Variants in USP5 observed in about 807,000 individuals in gnomAD.
USP5 encodes the protein ubiquitin carboxyl-terminal hydrolase 5.
In USP5, 24 loss-of-function variants were observed where a neutral mutation model predicts 102.5. That is an observed-to-expected ratio of 0.23 (90% CI 0.17 to 0.33). The LOEUF is 0.33. USP5 is among the 10% of genes least tolerant of loss of function. USP5 has a pLI of 1.00. For synonymous variants in USP5, 460 were observed against 434.8 expected (o/e 1.06, Z -0.72); for missense variants, 753 against 1,122.1 (o/e 0.67, Z 4.70).
Position 6,856,063 on chromosome 12 carries a change from C to A in USP5, c.351C>A (p.Asp117Glu), listed in dbSNP as rs139334200. 6.2e-7 allele frequency: 1 copy of A among 1,613,980 alleles called. No individual in the cohort carries two copies. The highest frequency in any genetic ancestry group is 2.2e-5 in the East Asian group (1 of 44,888). ...FDLSEEKFEL[D>E]EDVKIVILPD... ...TTAGCGAGGAGAAGTTTGAATTAGA[C>A]GAGGATGTGAAGATTGTCATTTTGC... Residue 117 changes from aspartate to glutamate, a missense_variant, in exon 4 of 20, where the codon GAC becomes GAA. Transcript: ENST00000229268. The surrounding 1 kb of genome is among the most constrained non-coding windows in gnomAD (Gnocchi z 5.6).
rs1393793525 is a variant in USP5 at position 6,862,581 on chromosome 12, G to A, written c.1762+23G>A. 1.1e-5 allele frequency: 18 copies of A among 1,604,452 alleles called. No homozygotes were observed. The East Asian group carries it at 3.8e-4, about 34-fold the overall frequency. On this transcript the variant is annotated intron_variant, in intron 14 of 19. Coordinates refer to ENST00000229268, the MANE Select transcript of USP5 (RefSeq NM_001098536.2). ...TGGGTATGGCTGCTGGAATGAGGGA[G>A]GTTACACAGAAAATGCTAGAAAAAG...
chr12:6,856,606 A>G lies in USP5; in HGVS notation c.585-101A>G, dbSNP rs1024170642. On this transcript the variant is annotated intron_variant, in intron 5 of 19. Transcript: ENST00000229268. The surrounding 1 kb of genome is among the most constrained non-coding windows in gnomAD (Gnocchi z 5.6). ...TGGGGATGGCCAGAGGAGAAGAGAG[A>G]GAGACCTTGGATTGGCGGGGGGCCT... 7.0e-6 allele frequency: 11 copies of G among 1,561,106 alleles called. No homozygotes were observed. The highest frequency in any genetic ancestry group is 3.5e-5 in the Admixed American group (2 of 56,362).
At position 6,862,519 on chromosome 12, in the gene USP5, A is replaced by G; in HGVS notation, c.1723A>G (p.Lys575Glu). 1 of 1,614,194 alleles carries G rather than the reference A, an allele frequency of 6.2e-7. No homozygotes were observed. Among genetic ancestry groups the G allele is most frequent in the Non-Finnish European group, 8.5e-7 (1 of 1,180,028 alleles). ...FPDYLVIQIK[K>E]FTFGLDWVPK... ...TGACTACCTGGTCATCCAGATCAAG[A>G]AGTTCACCTTCGGCTTAGACTGGGT... Residue 575 changes from lysine to glutamate, a missense_variant, in exon 14 of 20, where the codon AAG becomes GAG. By Grantham distance (56) the Lys-to-Glu change is moderately conservative. Transcript: ENST00000229268.
rs782170638 is a variant in USP5 at position 6,859,477 on chromosome 12, G to A, written c.1066G>A (p.Asp356Asn). Reference protein sequence around the residue: ...SIPDFQRKYVDKLEKIFQNAP... With the variant: ...SIPDFQRKYVNKLEKIFQNAP... ...CCTTCCCTTGACTTTTAGGTATGTG[G>A]ATAAGCTGGAGAAGATCTTCCAGAA... Residue 356 changes from aspartate to asparagine, a missense_variant, in exon 9 of 20, where the codon GAT becomes AAT. By Grantham distance (23) the Asp-to-Asn change is conservative (BLOSUM62 1). This residue lies in a region of USP5 where 527 missense variants were observed against 816.5 expected (regional missense o/e 0.65). Transcript: ENST00000229268. 5 of 1,614,004 alleles carry A rather than the reference G, an allele frequency of 3.1e-6. No individual in the cohort carries two copies. The highest frequency in any genetic ancestry group is 1.6e-4 in the Middle Eastern group (1 of 6,082).
chr12:6,857,435 A>T (rs781377454), intron 6 of USP5, 194 bp from the exon 7 acceptor site: 69 of 531,474 alleles, frequency 1.3e-4, no homozygotes, highest in African/African-American at 1.2e-3. Flanking sequence ...ACCCGGTTTC[A>T]TCTGTCTTCC....
chr12:6,857,699 C>G lies in USP5; in HGVS notation c.840C>G (p.Gly280=). ...TGGCTGAGCACCTGTCCCACTTCGG[C>G]ATCGACATGCTGAAGATGCAGAAGG... ...PSLAEHLSHF[G]IDMLKMQKTD... Residue 280 remains glycine, a synonymous_variant, in exon 7 of 20, where the codon GGC becomes GGG. Transcript: ENST00000229268. 2.5e-6 allele frequency: 4 copies of G among 1,614,142 alleles called. No individual in the cohort carries two copies. Among genetic ancestry groups the G allele is most frequent in the Non-Finnish European group, 3.4e-6 (4 of 1,180,046 alleles).
intron 18 of USP5, 120 bp from the exon 19 acceptor site, chr12:6,865,044 T>A: frequency 7.8e-7 from 1 of 1,281,836 alleles, no homozygotes; most frequent in Non-Finnish European, 1.1e-6. Context: ...TCTGGCCCAG[T>A]ACCTGCCTCA....
chr12:6,860,506 G>A lies in USP5; in HGVS notation c.1344+15G>A, dbSNP rs1555129295. ...ACATGGTGGAGGTAAGGGCTGGCAA[G>A]ATGGCACACCCCCATCTTCCTGCAA... On this transcript the variant is annotated intron_variant, in intron 11 of 19. Coordinates refer to ENST00000229268, the MANE Select transcript of USP5 (RefSeq NM_001098536.2). The surrounding 1 kb of genome is among the most constrained non-coding windows in gnomAD (Gnocchi z 5.5). 6.2e-7 allele frequency: 1 copy of A among 1,613,340 alleles called. No individual in the cohort carries two copies. Among genetic ancestry groups the A allele is most frequent in the Admixed American group, 1.7e-5 (1 of 60,018 alleles).
At position 6,862,375 on chromosome 12, in the gene USP5, A is replaced by T; in HGVS notation, c.1674-95A>T. 2.8e-6 allele frequency: 3 copies of T among 1,074,034 alleles called. 1 individual carries two copies. In the Admixed American group the frequency reaches 5.2e-5, roughly 18 times the overall value. 66.5% of individuals were successfully genotyped at this position (1,074,034 alleles called of 1,614,324 possible). A position where few individuals can be genotyped will look rare whatever the true frequency, so the allele number is the denominator to read the frequency against. ...ATGGAGGATCTTCTGGGTTATTGGGACTTCTACCCATGAGGGGCTGAACCC... is the reference window on the plus strand; with the variant it reads ...ATGGAGGATCTTCTGGGTTATTGGGTCTTCTACCCATGAGGGGCTGAACCC... On this transcript the variant is annotated intron_variant, in intron 13 of 19. Coordinates refer to ENST00000229268, the MANE Select transcript of USP5 (RefSeq NM_001098536.2).
intron 9 of USP5, 106 bp downstream of exon 9, chr12:6,859,647 T>C (rs918734763): frequency 9.7e-7 from 1 of 1,026,832 alleles, no homozygotes. Context: ...CTGGCCTTTT[T>C]TTGTTTTGTT....
rs782529143 is a variant in USP5, at chr12:6,861,465, G to A, written c.1521G>A (p.Glu507=). 1 of 1,583,890 alleles carries A rather than the reference G, an allele frequency of 6.3e-7. No homozygotes were observed. The highest frequency in any genetic ancestry group is 2.3e-5 in the East Asian group (1 of 44,176). The change falls in exon 13 of 20, where the codon GAG becomes GAA. Residue 507 remains glutamate, a synonymous_variant. Transcript: ENST00000229268. The surrounding 1 kb of genome is among the most constrained non-coding windows in gnomAD (Gnocchi z 4.9). ...CAGAGGAGCTTCTGGAGTACGAGGAGAAGAAGCGGCAAGCCGAAGAGGAGA... is the reference window on the plus strand; with the variant it reads ...CAGAGGAGCTTCTGGAGTACGAGGAAAAGAAGCGGCAAGCCGAAGAGGAGA... The part of the protein sequence containing the change: ...LNKEELLEYE[E]KKRQAEEEKM...
In USP5 at chr12:6,861,333, C is replaced by T. The variant is rs1944270849; in HGVS notation, c.1499-110C>T. 7.3e-7 allele frequency: 1 copy of T among 1,377,842 alleles called. No individual in the cohort carries two copies. Among genetic ancestry groups the T allele is most frequent in the Non-Finnish European group, 9.8e-7 (1 of 1,015,444 alleles). 85.4% of individuals were successfully genotyped at this position (1,377,842 alleles called of 1,614,324 possible). ...ATATATTGGACATGTGTCAGGGGTG[C>T]TTTGGAAGGGTAGAGGAACTGAAAT... On this transcript the variant is annotated intron_variant, in intron 12 of 19. Coordinates refer to ENST00000229268, the MANE Select transcript of USP5 (RefSeq NM_001098536.2). The surrounding 1 kb of genome is among the most constrained non-coding windows in gnomAD (Gnocchi z 4.9).
At position 6,860,290 on chromosome 12, in the gene USP5, G is replaced by C; in HGVS notation, c.1218+52G>C. ...GGCCCTGGGATTGTGGGGAAGCTGAGGTCTGGGAGATGTCTAAAGAAGGCC... is the reference window on the plus strand; with the variant it reads ...GGCCCTGGGATTGTGGGGAAGCTGACGTCTGGGAGATGTCTAAAGAAGGCC... On this transcript the variant is annotated intron_variant, in intron 10 of 19. Coordinates refer to ENST00000229268, the MANE Select transcript of USP5 (RefSeq NM_001098536.2). The surrounding 1 kb of genome is among the most constrained non-coding windows in gnomAD (Gnocchi z 5.5). The C allele has an allele frequency of 6.2e-7, 1 of 1,612,226 alleles. No homozygotes were observed. Among genetic ancestry groups the C allele is most frequent in the Non-Finnish European group, 8.5e-7 (1 of 1,178,578 alleles).
In USP5 at chr12:6,856,424, G is replaced by A. The variant is rs1555128315; in HGVS notation, c.558G>A (p.Leu186=). The change falls in exon 5 of 20, where the codon TTG becomes TTA. Residue 186 remains leucine, a synonymous_variant. Coordinates refer to ENST00000229268, the MANE Select transcript of USP5 (RefSeq NM_001098536.2). This position sits in a 1 kb window ranked among gnomAD's most constrained non-coding sequence, Gnocchi z 5.6. ...AGCATGCCTTCAGCCTCAAGCAGTT[G>A]GACAACCCTGCTCGAATCCCTCCCT... The part of the protein sequence containing the change: ...VSKHAFSLKQ[L]DNPARIPPCG... The A allele has an allele frequency of 6.2e-7, 1 of 1,613,010 alleles. No individual in the cohort carries two copies.
Position 6,866,334 on chromosome 12 carries a change from C to T in USP5, c.*257C>T, listed in dbSNP as rs782722231. ...AGGAGACTTTGTTGCTTCCCCTGCC[C>T]CCGGAATCCACAGTGCTCTGCTTCT... is the stretch of plus-strand genomic sequence containing the variant. On this transcript the variant is annotated 3_prime_UTR_variant, in exon 20 of 20. Coordinates refer to ENST00000229268, the MANE Select transcript of USP5 (RefSeq NM_001098536.2). The surrounding 1 kb of genome is among the most constrained non-coding windows in gnomAD (Gnocchi z 4.7). 5 of 481,440 alleles carry T rather than the reference C, an allele frequency of 1.0e-5. No homozygotes were observed. Among genetic ancestry groups the T allele is most frequent in the South Asian group, 2.9e-5 (1 of 35,024 alleles). 29.8% of individuals were successfully genotyped at this position (481,440 alleles called of 1,614,324 possible). A position where few individuals can be genotyped will look rare whatever the true frequency, so the allele number is the denominator to read the frequency against.
intron 1 of USP5, among the ~76,000 whole-genome samples, chr12:6,853,009 T>C (rs1555127383): frequency 6.6e-6 from 1 of 150,408 alleles, no homozygotes; most frequent in African/African-American, 2.5e-5. Context: ...CTAAGGCCTC[T>C]TTCCCATCCC....
chr12:6,864,966 GGAGTC>G lies in USP5; in HGVS notation c.2398+92_2398+96del. On this transcript the variant is annotated intron_variant, in intron 18 of 19. Transcript: ENST00000229268. This position sits in a 1 kb window ranked among gnomAD's most constrained non-coding sequence, Gnocchi z 4.8. ...CATTCAGGCAGCTCTGCCCTCCTCA[GGAGTC>G]AGGGGCTTCTTTCCACCTCAACGTG... The G allele has an allele frequency of 6.6e-7, 1 of 1,512,544 alleles. No homozygotes were observed. 93.7% of individuals were successfully genotyped at this position (1,512,544 alleles called of 1,614,324 possible). A position where few individuals can be genotyped will look rare whatever the true frequency, so the allele number is the denominator to read the frequency against.
At chr12:6,857,493 A>T in intron 6 of USP5, 136 bp from the exon 7 acceptor site, 3 of 689,864 alleles carry the variant, frequency 4.3e-6, no homozygotes, top group Non-Finnish European at 7.5e-6. Flanking sequence ...TATTACTCAT[A>T]TTCAAGGGAA....
chr12:6,865,905 G>A (rs1944432600), intron 19 of USP5, 79 bp from the exon 20 acceptor site: 1 of 1,259,058 alleles, frequency 7.9e-7, no homozygotes, highest in Non-Finnish European at 1.2e-6. Context: ...CACTTCCAGG[G>A]GCCATGTCTG....
Sources: allele counts gnomAD v4.1 joint callset (sites outside exome capture counted in the v4.1 genomes callset), GRCh38; gene constraint gnomAD v4.1.1; regional missense constraint gnomAD v4.1.1; non-coding constraint Gnocchi (gnomAD v3.1); transcripts MANE v1.5; gene names NCBI Gene and HGNC (gene_info 2026-07-23, HGNC 2026-07-21).